The following TRPM5 variants were observed in gnomAD, a reference collection of about 807,000 sequenced individuals.
TRPM5 encodes MLSN1 and TRP-related.
TRPM5 carries 121 observed loss-of-function variants against 124.9 expected under a neutral mutation model. The observed-to-expected ratio is 0.97, with a 90% CI of 0.84 to 1.13. The LOEUF is 1.13. Ranked by LOEUF, TRPM5 falls within the 50% of genes most tolerant of loss-of-function variation. The pLI is 0.00. For synonymous variants in TRPM5, 781 were observed against 700.5 expected, an observed-to-expected ratio of 1.11 and a Z score of -1.81; for missense variants, 1,643 against 1,589.1, an observed-to-expected ratio of 1.03 and a Z score of -0.58.
In TRPM5 at chr11:2,413,502, G is replaced by A. The variant is rs370419238; in HGVS notation, c.1977C>T (p.Leu659=). Residue 659 remains leucine, a synonymous_variant, in exon 13 of 24, where the codon CTC becomes CTT. Coordinates refer to ENST00000155858, the Ensembl canonical transcript of TRPM5. Reference sequence around the variant, plus strand: ...TGAAGGTGATGAGGTTGGTATAGACGAGGGCGGGGCAGAGGAAGGCTCCTA... The same window carrying A: ...TGAAGGTGATGAGGTTGGTATAGACAAGGGCGGGGCAGAGGAAGGCTCCTA... 22 of 1,612,004 alleles carry A rather than the reference G, an allele frequency of 1.4e-5. No individual in the cohort carries two copies. In the Admixed American group the frequency reaches 1.5e-4, roughly 11 times the overall value.
chr11:2,429,849 G>A, the TRPM5 span, among the ~76,000 whole-genome samples: 6 of 152,148 alleles, frequency 3.9e-5, no homozygotes, highest in South Asian at 2.1e-4. This position sits in a 1 kb window ranked among gnomAD's most constrained non-coding sequence, Gnocchi z 8.4. Flanking sequence ...GGAGGTAATC[G>A]GATCATGGGG....
intron 18 of TRPM5, among the ~76,000 whole-genome samples, chr11:2,408,686 C>G (rs748995748): frequency 6.6e-6 from 1 of 152,232 alleles, no homozygotes; most frequent in Non-Finnish European, 1.5e-5. Context: ...GGACCCTCAC[C>G]CCACCCCAGC....
intron 8 of TRPM5, 113 bp downstream of exon 13, chr11:2,415,793 A>C: frequency 1.3e-6 from 1 of 796,106 alleles, no homozygotes; most frequent in Non-Finnish European, 2.0e-6. Flanking sequence ...GGACCTTGGG[A>C]CAGCTGGGCA....
intron 18 of TRPM5, chr11:2,410,675 T>G (rs1287797025): frequency 2.2e-6 from 1 of 453,660 alleles, no homozygotes; most frequent in Admixed American, 2.4e-5. Flanking sequence ...CCCTCCCCAC[T>G]GCACTGGCTT....
chr11:2,406,065 C>G (rs1289458595), exon 22 of TRPM5: 2 of 1,612,206 alleles, frequency 1.2e-6, no homozygotes, highest in South Asian at 1.1e-5. Flanking sequence ...TCTCAGACCC[C>G]CGAGGTACTT....
the TRPM5 span, among the ~76,000 whole-genome samples, chr11:2,438,679 C>T: frequency 0.014 from 2,149 of 152,122 alleles, 51 homozygotes; most frequent in African/African-American, 0.05. The surrounding 1 kb of genome is among the most constrained non-coding windows in gnomAD (Gnocchi z 5.9). Flanking sequence ...AAAAAAATTA[C>T]AGATGACACA....
At chr11:2,414,009 G>GGGGCGCCCCCCCCCCCCCCCCC in intron 12 of TRPM5, 52 bp downstream of exon 17, 1 of 1,023,734 alleles carries the variant, frequency 9.8e-7, no homozygotes, top group Non-Finnish European at 1.4e-6. Context: ...GGCCCAGCTC[G>GGGGCGCCCCCCCCCCCCCCCCC]CCCGCCCACC....
At chr11:2,415,360 G>T in exon 9 of TRPM5, 1 of 1,586,898 alleles carries the variant, frequency 6.3e-7, no homozygotes, top group East Asian at 2.3e-5. Context: ...TCCTGCAGCC[G>T]CCCATACGTC....
upstream of TRPM5, among the ~76,000 whole-genome samples, chr11:2,427,734 C>T (rs532505694): frequency 9.8e-5 from 15 of 152,320 alleles, no homozygotes; most frequent in Non-Finnish European, 8.8e-5. Context: ...GGCCCGGGAC[C>T]GATGCAGCTG....
chr11:2,440,244 G>A, the TRPM5 span, among the ~76,000 whole-genome samples: 1 of 152,122 alleles, frequency 6.6e-6, no homozygotes, highest in Non-Finnish European at 1.5e-5. The surrounding 1 kb of genome is among the most constrained non-coding windows in gnomAD (Gnocchi z 5.2). Flanking sequence ...TCTGGGTGAT[G>A]GGATCATCCA....
At chr11:2,420,309 G>A in exon 4 of TRPM5, 1 of 1,612,706 alleles carries the variant, frequency 6.2e-7, no homozygotes, top group South Asian at 1.1e-5. Context: ...GGGGGGCCTG[G>A]CTCCACCAGG....
At chr11:2,408,942 A>G (rs1462006460) in intron 18 of TRPM5, among the ~76,000 whole-genome samples, 1 of 152,196 alleles carries the variant, frequency 6.6e-6, no homozygotes, top group Non-Finnish European at 1.5e-5. Flanking sequence ...GTGTGAGCAC[A>G]CTGGCACACA....
In TRPM5 at chr11:2,414,701, C is replaced by T. The variant is rs4929980; in HGVS notation, c.1744+14G>A. The T allele has an allele frequency of 0.48, 735,152 of 1,525,666 alleles. 179,150 individuals carry two copies. The highest frequency in any genetic ancestry group is 0.71 in the East Asian group (28,463 of 40,360). The allele number at this position is 1,525,666 out of a possible 1,614,324, so 94.5% of individuals were successfully genotyped here. A position where few individuals can be genotyped will look rare whatever the true frequency, so the allele number is the denominator to read the frequency against. ...CCCCGCGCGCGGGCCCGGCCCCAGC[C>T]GCCGGTCACTCACCAAGGGCCAGCC... On this transcript the variant is annotated intron_variant, in intron 11 of 23. Coordinates refer to ENST00000155858, the Ensembl canonical transcript of TRPM5.
chr11:2,419,509 G>A (rs1336955149), intron 4 of TRPM5, among the ~76,000 whole-genome samples: 3 of 151,632 alleles, frequency 2.0e-5, no homozygotes, highest in Non-Finnish European at 4.4e-5. Context: ...CCAGCTACCC[G>A]GGAGGCTGAG....
chr11:2,407,989 A>G, intron 18 of TRPM5, 77 bp from the exon 24 acceptor site: 1 of 1,554,350 alleles, frequency 6.4e-7, no homozygotes, highest in Non-Finnish European at 8.7e-7. Context: ...CCCGAGATAG[A>G]GCGCTGAGTC....
chr11:2,418,070 G>A (rs1845711325), intron 6 of TRPM5, 97 bp downstream of exon 11: 1 of 1,186,322 alleles, frequency 8.4e-7, no homozygotes, highest in Non-Finnish European at 1.2e-6. Context: ...TGAGGTGGGA[G>A]GAGTGGGCTG....
chr11:2,429,212 T>C, the TRPM5 span, among the ~76,000 whole-genome samples: 5 of 150,658 alleles, frequency 3.3e-5, no homozygotes, highest in Non-Finnish European at 5.9e-5. This position sits in a 1 kb window ranked among gnomAD's most constrained non-coding sequence, Gnocchi z 8.4. Flanking sequence ...GTTATGGTGG[T>C]AGTGATGATC....
chr11:2,437,926 A>G, the TRPM5 span, among the ~76,000 whole-genome samples: 88 of 152,322 alleles, frequency 5.8e-4, no homozygotes, highest in African/African-American at 1.9e-3. The surrounding 1 kb of genome is among the most constrained non-coding windows in gnomAD (Gnocchi z 5.6). Flanking sequence ...ATGAACGTAA[A>G]TATAAAAATC....
At chr11:2,425,320 T>C (rs1399724585), upstream of TRPM5, among the ~76,000 whole-genome samples, 1 of 152,168 alleles carries the variant, frequency 6.6e-6, no homozygotes, top group African/African-American at 2.4e-5. Context: ...CTTCCCACCC[T>C]TTCCAGGTTC....
Sources: allele counts gnomAD v4.1 joint callset (sites outside exome capture counted in the v4.1 genomes callset), GRCh38; gene constraint gnomAD v4.1.1; non-coding constraint Gnocchi (gnomAD v3.1); transcripts MANE v1.5; gene names NCBI Gene and HGNC (gene_info 2026-07-23, HGNC 2026-07-21).